LRRC42: variants seen among roughly 807,000 people sequenced by gnomAD.
LRRC42 encodes leucine rich repeat containing 42, also known as leucine-rich repeat-containing protein 42.
In LRRC42, 43 loss-of-function variants were observed where a neutral mutation model predicts 44.3. The ratio of observed to expected loss-of-function variants is 0.97; its 90% CI spans 0.76 to 1.25. LRRC42 has a LOEUF of 1.25. Ranked by LOEUF, LRRC42 falls within the 50% of genes most tolerant of loss-of-function variation. LRRC42 has a pLI of 0.00. For missense variants in LRRC42, 540 were observed against 509.1 expected (o/e 1.06, Z -0.58); for synonymous variants, 207 against 195.2 (o/e 1.06, Z -0.50).
At chr1:53,955,228 A>G (rs1654804354) in intron 3 of LRRC42, among the ~76,000 whole-genome samples, 1 of 152,154 alleles carries the variant, frequency 6.6e-6, no homozygotes, top group Non-Finnish European at 1.5e-5. Flanking sequence ...TTTTTTTCCA[A>G]TGAAAGTGAT....
At chr1:53,954,125 G>A (rs1654767105) in intron 3 of LRRC42, among the ~76,000 whole-genome samples, 2 of 152,252 alleles carry the variant, frequency 1.3e-5, no homozygotes, top group Admixed American at 1.3e-4. Context: ...TCAGAAAACA[G>A]GAGGTAAGCT....
intron 2 of LRRC42, among the ~76,000 whole-genome samples, chr1:53,951,153 AGC>A (rs1654667349): frequency 6.6e-6 from 1 of 152,260 alleles, no homozygotes; most frequent in Non-Finnish European, 1.5e-5. Flanking sequence ...GAATGTGTCA[AGC>A]TAGCAAGGGA....
Position 53,961,265 on chromosome 1 carries a change from G to T in LRRC42, c.725-769G>T, listed in dbSNP as rs530699735. Among the ~76,000 whole-genome samples the T allele has an allele frequency of 1.1e-4, 17 of 152,280 alleles. No individual in the cohort carries two copies. The South Asian group carries it at 2.5e-3, about 22-fold the overall frequency. ...TCTACTAAAAAGATACAAAAAATCA[G>T]CTGGGCGTGGTGGCCGGCACCTGTA... On this transcript the variant is annotated intron_variant, in intron 5 of 8. Coordinates refer to ENST00000371370, the MANE Select transcript of LRRC42 (RefSeq NM_001256409.2).
At position 53,952,049 on chromosome 1, in the gene LRRC42, A is replaced by C; in HGVS notation, c.50A>C (p.Tyr17Ser). Residue 17 changes from tyrosine (Y) to serine (S), a missense_variant, in exon 3 of 9, where the codon TAC becomes TCC. Coordinates refer to ENST00000371370, the MANE Select transcript of LRRC42 (RefSeq NM_001256409.2). ...SENHLDPGPI[Y>S]MRENGQLHMV... ...AACCACCTGGACCCAGGGCCCATCT[A>C]CATGCGAGAAAATGGGCAGCTGCAC... The C allele has an allele frequency of 6.2e-7, 1 of 1,614,172 alleles. No individual in the cohort carries two copies. The highest frequency in any genetic ancestry group is 8.5e-7 in the Non-Finnish European group (1 of 1,180,018).
intron 7 of LRRC42, among the ~76,000 whole-genome samples, chr1:53,964,498 C>T (rs1207846164): frequency 2.0e-5 from 3 of 152,174 alleles, no homozygotes; most frequent in South Asian, 2.1e-4. Flanking sequence ...TCCCCATCCC[C>T]GACCAGCTCT....
In LRRC42 at chr1:53,958,888, A is replaced by G. The variant is rs920141436; in HGVS notation, c.605+608A>G. On this transcript the variant is annotated intron_variant, in intron 4 of 8. Coordinates refer to ENST00000371370, the MANE Select transcript of LRRC42 (RefSeq NM_001256409.2). ...GGCGTCAGCCACTGCGCCTGGCCCT[A>G]TTTATTTATTTCTTTAGACGGAGTC... is the stretch of plus-strand genomic sequence containing the variant. Among the ~76,000 whole-genome samples the G allele has an allele frequency of 7.5e-5, 11 of 146,506 alleles. 1 individual carries two copies. In the South Asian group the frequency reaches 1.9e-3, roughly 26 times the overall value.
Position 53,952,110 on chromosome 1 carries a change from C to T in LRRC42, c.111C>T (p.Ser37=), listed in dbSNP as rs763320913. 6.2e-7 allele frequency: 1 copy of T among 1,614,202 alleles called. No homozygotes were observed. Among genetic ancestry groups the T allele is most frequent in the Admixed American group, 1.7e-5 (1 of 60,024 alleles). ...TGGCTCTGGATGGTGTCAGGAGTAG[C>T]CTGCAGAAGCCAAGGCCTTTCAGAC... The part of the protein sequence containing the change: ...VNLALDGVRS[S]LQKPRPFRLF... The change falls in exon 3 of 9, where the codon AGC becomes AGT. Residue 37 remains serine, a synonymous_variant. Transcript: ENST00000371370.
intron 4 of LRRC42, among the ~76,000 whole-genome samples, chr1:53,959,755 C>T (rs77907946): frequency 6.6e-6 from 1 of 152,092 alleles, no homozygotes; most frequent in African/African-American, 2.4e-5. Context: ...ATTTTCACAC[C>T]ATTTGTCAGA....
chr1:53,953,316 T>G (rs1301385891), intron 3 of LRRC42, among the ~76,000 whole-genome samples: 1 of 152,234 alleles, frequency 6.6e-6, no homozygotes, highest in Non-Finnish European at 1.5e-5. Context: ...GACCTTGCTT[T>G]CTTCACATAA....
intron 5 of LRRC42, among the ~76,000 whole-genome samples, chr1:53,960,797 C>T (rs1654974712): frequency 6.6e-6 from 1 of 152,190 alleles, no homozygotes; most frequent in South Asian, 2.1e-4. Context: ...TTCCTTGAGT[C>T]TCTGATCCTT....
chr1:53,951,944 G>C (rs1654696325), intron 2 of LRRC42, 42 bp from the exon 3 acceptor site: 4 of 1,429,336 alleles, frequency 2.8e-6, no homozygotes, highest in Non-Finnish European at 3.8e-6. Context: ...GTTACAAATG[G>C]CATTTTAATT....
intron 3 of LRRC42, among the ~76,000 whole-genome samples, chr1:53,955,160 C>T (rs1654795635): frequency 6.6e-6 from 1 of 151,948 alleles, no homozygotes; most frequent in Non-Finnish European, 1.5e-5. Flanking sequence ...AAAAAGCGGT[C>T]TAGATGGTGG....
At chr1:53,952,589 C>A in intron 3 of LRRC42, 117 bp downstream of exon 3, 1 of 773,562 alleles carries the variant, frequency 1.3e-6, no homozygotes, top group Non-Finnish European at 2.0e-6. Flanking sequence ...TTTAGAACTT[C>A]CAAATATGAA....
intron 8 of LRRC42, among the ~76,000 whole-genome samples, chr1:53,967,181 A>T (rs1408564917): frequency 6.6e-6 from 1 of 152,226 alleles, no homozygotes; most frequent in East Asian, 1.9e-4. Context: ...GGTACTAAAT[A>T]AGAATCCAGG....
intron 1 of LRRC42, 49 bp downstream of exon 1, chr1:53,946,598 G>C (rs550360289): frequency 2.8e-4 from 43 of 151,946 alleles, no homozygotes; most frequent in African/African-American, 9.6e-4. Flanking sequence ...CGGGTTGCGT[G>C]TGGGAGCGGG....
intron 2 of LRRC42, among the ~76,000 whole-genome samples, chr1:53,951,378 A>T (rs770026958): frequency 3.3e-5 from 5 of 152,224 alleles, no homozygotes; most frequent in Non-Finnish European, 7.3e-5. Context: ...GACATCTGTG[A>T]CAACTTCCTT....
intron 2 of LRRC42, among the ~76,000 whole-genome samples, chr1:53,950,203 G>C (rs1361595984): frequency 1.3e-5 from 2 of 152,216 alleles, no homozygotes; most frequent in Non-Finnish European, 2.9e-5. Context: ...TTAATGATGA[G>C]TAGGAATTAG....
chr1:53,952,527 A>G (rs545611656), intron 3 of LRRC42, 55 bp downstream of exon 3: 94 of 1,464,428 alleles, frequency 6.4e-5, no homozygotes, highest in Admixed American at 1.1e-4. Flanking sequence ...AATTCTGTCA[A>G]GCTCTGGGGC....
At chr1:53,951,248 G>C (rs980968271) in intron 2 of LRRC42, among the ~76,000 whole-genome samples, 3 of 152,318 alleles carry the variant, frequency 2.0e-5, no homozygotes, top group African/African-American at 7.2e-5. Context: ...ACATTCCATG[G>C]TACGTGTAAG....
Sources: allele counts gnomAD v4.1 joint callset (sites outside exome capture counted in the v4.1 genomes callset), GRCh38; gene constraint gnomAD v4.1.1; transcripts MANE v1.5; gene names NCBI Gene and HGNC (gene_info 2026-07-23, HGNC 2026-07-21).